Variants in THSD7A observed in about 807,000 individuals in gnomAD.
The protein encoded by THSD7A is thrombospondin type-1 domain-containing protein 7A.
In THSD7A, 96 loss-of-function variants were observed where a neutral mutation model predicts 231.3. The observed-to-expected ratio is 0.41, with a 90% CI of 0.35 to 0.49. The LOEUF (loss-of-function observed/expected upper bound fraction) is 0.49. Ranked by LOEUF, THSD7A falls within the 20% of genes least tolerant of loss-of-function variation. THSD7A has a pLI of 0.05. For synonymous variants in THSD7A, 940 were observed against 743.3 expected (o/e 1.26, Z -4.30); for missense variants, 2,290 against 2,070.2 (o/e 1.11, Z -2.06).
intron 1 of THSD7A, among the ~76,000 whole-genome samples, chr7:11,776,764 A>C (rs572403148): frequency 5.9e-5 from 9 of 152,358 alleles, no homozygotes; most frequent in African/African-American, 1.9e-4. Flanking sequence ...CTTGACAACT[A>C]GTAAAATAGT....
At chr7:11,811,339 C>T (rs184231038) in intron 1 of THSD7A, among the ~76,000 whole-genome samples, 160 of 152,252 alleles carry the variant, frequency 1.1e-3, no homozygotes, top group Non-Finnish European at 2.0e-3. Context: ...TATTTTTATA[C>T]TTAAGGAGTA....
chr7:11,772,648 T>C (rs1157879764), intron 1 of THSD7A, among the ~76,000 whole-genome samples: 1 of 152,122 alleles, frequency 6.6e-6, no homozygotes, highest in Non-Finnish European at 1.5e-5. Flanking sequence ...TACTTAAAAA[T>C]GGGAGCTAAA....
chr7:11,485,276 G>T (rs1451755888), intron 6 of THSD7A, among the ~76,000 whole-genome samples: 3 of 152,042 alleles, frequency 2.0e-5, no homozygotes, highest in East Asian at 1.9e-4. Context: ...TCCATTTATT[G>T]TCTTCTGGTT....
intron 4 of THSD7A, among the ~76,000 whole-genome samples, chr7:11,545,249 C>A (rs1466018535): frequency 2.6e-5 from 4 of 151,874 alleles, no homozygotes; most frequent in Non-Finnish European, 5.9e-5. Context: ...TTTTTTCCTT[C>A]AATTGATGAA....
intron 1 of THSD7A, among the ~76,000 whole-genome samples, chr7:11,660,502 G>GA (rs1458239756): frequency 6.6e-6 from 1 of 150,718 alleles, no homozygotes; most frequent in Non-Finnish European, 1.5e-5. Flanking sequence ...TAACACCCAA[G>GA]AAAAAATAGA....
chr7:11,634,522 A>G lies in THSD7A; in HGVS notation c.1022+1608T>C, dbSNP rs1041034552. On this transcript the variant is annotated intron_variant, in intron 2 of 27. Transcript: ENST00000423059. This position sits in a 1 kb window ranked among gnomAD's most constrained non-coding sequence, Gnocchi z 4.1. ...CAGGAAAAGAGATAAGAAAATCACC[A>G]GAATAAGGATAGTCAGAAAAGAACA... Among the ~76,000 whole-genome samples, 1 of 152,134 alleles carries G rather than the reference A, an allele frequency of 6.6e-6. No individual in the cohort carries two copies. The highest frequency in any genetic ancestry group is 2.1e-4 in the South Asian group (1 of 4,832).
intron 27 of THSD7A, among the ~76,000 whole-genome samples, chr7:11,376,278 T>C (rs1377057933): frequency 6.6e-6 from 1 of 152,118 alleles, no homozygotes; most frequent in Admixed American, 6.6e-5. Flanking sequence ...CCTCCATTAG[T>C]AATTCAATAT....
intron 23 of THSD7A, among the ~76,000 whole-genome samples, chr7:11,391,542 C>T (rs1782981081): frequency 6.6e-6 from 1 of 152,122 alleles, no homozygotes; most frequent in Admixed American, 6.5e-5. Context: ...GTGAGTGTGG[C>T]ACCTGCCCAG....
chr7:11,556,062 A>G (rs1330662644), intron 4 of THSD7A, among the ~76,000 whole-genome samples: 3 of 151,640 alleles, frequency 2.0e-5, no homozygotes, highest in Non-Finnish European at 3.0e-5. Context: ...GTATACTTAG[A>G]CTATTTACAT....
intron 19 of THSD7A, among the ~76,000 whole-genome samples, chr7:11,408,886 T>G (rs1783681142): frequency 6.6e-6 from 1 of 152,148 alleles, no homozygotes; most frequent in South Asian, 2.1e-4. Flanking sequence ...TTAAAAGTCA[T>G]GGGAGGTTGG....
rs531559434 is a variant in THSD7A at position 11,446,655 on chromosome 7, T to G, written c.2801-331A>C. Among the ~76,000 whole-genome samples, 22 of 152,252 alleles carry G rather than the reference T, an allele frequency of 1.4e-4. No individual in the cohort carries two copies. Among genetic ancestry groups the G allele is most frequent in the Admixed American group, 1.2e-3 (18 of 15,282 alleles). ...TCGACAGTCTTCATTACATAGGTGG[T>G]TCATTTTTTAACTTAAATTCTGAGT... On this transcript the variant is annotated intron_variant, in intron 12 of 27. Coordinates refer to ENST00000423059, the MANE Select transcript of THSD7A (RefSeq NM_015204.3). The surrounding 1 kb of genome is among the most constrained non-coding windows in gnomAD (Gnocchi z 4.0).
intron 4 of THSD7A, among the ~76,000 whole-genome samples, chr7:11,566,538 G>A (rs1484284693): frequency 6.6e-6 from 1 of 152,122 alleles, no homozygotes; most frequent in African/African-American, 2.4e-5. Context: ...AAAGTACCAT[G>A]GTACTACATG....
intron 1 of THSD7A, among the ~76,000 whole-genome samples, chr7:11,673,596 C>G (rs1259243771): frequency 6.6e-6 from 1 of 151,714 alleles, no homozygotes; most frequent in Non-Finnish European, 1.5e-5. Flanking sequence ...AGACTGCCTG[C>G]CTGGCCACTC....
chr7:11,512,610 A>T (rs1377849629), intron 6 of THSD7A, among the ~76,000 whole-genome samples: 1 of 152,074 alleles, frequency 6.6e-6, no homozygotes, highest in Non-Finnish European at 1.5e-5. Context: ...GCCATAAAAA[A>T]AGATGAGTTC....
intron 4 of THSD7A, among the ~76,000 whole-genome samples, chr7:11,544,397 T>C (rs895238457): frequency 8.5e-5 from 13 of 152,142 alleles, no homozygotes; most frequent in African/African-American, 2.9e-4. Flanking sequence ...CTAGTTCCAG[T>C]TCCTTTATCA....
intron 2 of THSD7A, among the ~76,000 whole-genome samples, chr7:11,609,205 G>C (rs1035530471): frequency 2.6e-5 from 4 of 152,038 alleles, no homozygotes; most frequent in South Asian, 4.2e-4. Flanking sequence ...TGAATTTCAG[G>C]GTTCTTTACA....
intron 2 of THSD7A, among the ~76,000 whole-genome samples, chr7:11,610,593 T>G (rs1210687553): frequency 6.6e-6 from 1 of 152,150 alleles, no homozygotes; most frequent in Admixed American, 6.6e-5. Flanking sequence ...ATTTGCCCAG[T>G]TCTTTCTGCA....
Position 11,406,720 on chromosome 7 carries a change from T to C in THSD7A, c.4062+190A>G, listed in dbSNP as rs961391558. Among the ~76,000 whole-genome samples the C allele has an allele frequency of 5.9e-5, 9 of 152,190 alleles. No individual in the cohort carries two copies. The highest frequency in any genetic ancestry group is 8.8e-5 in the Non-Finnish European group (6 of 68,024). On this transcript the variant is annotated intron_variant, in intron 21 of 27. Coordinates refer to ENST00000423059, the MANE Select transcript of THSD7A (RefSeq NM_015204.3). This position sits in a 1 kb window ranked among gnomAD's most constrained non-coding sequence, Gnocchi z 4.7. ...CAGTCTCCAAATGATTTTAAAAATA[T>C]AGGGCATGGAGTTTTTGTTATCAAA...
At chr7:11,606,102 T>A (rs1449418453) in intron 2 of THSD7A, among the ~76,000 whole-genome samples, 1 of 152,134 alleles carries the variant, frequency 6.6e-6, no homozygotes, top group Non-Finnish European at 1.5e-5. Context: ...GGGTGTGCAA[T>A]GAGCTAAGCA....
Sources: allele counts gnomAD v4.1 joint callset (sites outside exome capture counted in the v4.1 genomes callset), GRCh38; gene constraint gnomAD v4.1.1; non-coding constraint Gnocchi (gnomAD v3.1); transcripts MANE v1.5; gene names NCBI Gene and HGNC (gene_info 2026-07-23, HGNC 2026-07-21).